The following XRRA1 variants were observed in gnomAD, a reference collection of about 807,000 sequenced individuals.
The protein encoded by XRRA1 is X-ray radiation resistance-associated protein 1.
Under a neutral mutation model 80.2 loss-of-function variants are expected in XRRA1, and 69 were observed. The observed-to-expected ratio is 0.86, with a 90% CI of 0.71 to 1.05. The LOEUF (loss-of-function observed/expected upper bound fraction) is 1.05, where lower values mean the gene tolerates loss of function less well. Ranked by LOEUF, XRRA1 falls within the 50% of genes least tolerant of loss-of-function variation. The pLI is 0.00. For missense variants in XRRA1, 967 were observed against 976.4 expected, an observed-to-expected ratio of 0.99 and a Z score of 0.13; for synonymous variants, 348 against 389.9, an observed-to-expected ratio of 0.89 and a Z score of 1.27.
intron 10 of XRRA1, among the ~76,000 whole-genome samples, chr11:74,899,033 T>A (rs1294540952): frequency 1.3e-5 from 2 of 152,136 alleles, no homozygotes; most frequent in East Asian, 3.8e-4. Flanking sequence ...AAAACATTTT[T>A]AAAAAATCTT....
intron 10 of XRRA1, among the ~76,000 whole-genome samples, chr11:74,869,943 C>A (rs755480800): frequency 5.3e-5 from 8 of 152,150 alleles, no homozygotes; most frequent in Admixed American, 2.0e-4. Context: ...AGCCATGAGA[C>A]AACAAACCTC....
At chr11:74,886,978 TTCAA>T in intron 10 of XRRA1, among the ~76,000 whole-genome samples, 1 of 152,232 alleles carries the variant, frequency 6.6e-6, no homozygotes, top group East Asian at 1.9e-4. Context: ...AGATTCCCTA[TTCAA>T]TCAATGATGC....
chr11:74,947,046 T>C (rs1947720706), intron 1 of XRRA1, among the ~76,000 whole-genome samples: 1 of 152,078 alleles, frequency 6.6e-6, no homozygotes, highest in African/African-American at 2.4e-5. Flanking sequence ...CCTGTACTTA[T>C]CTCTTTATCC....
intron 10 of XRRA1, among the ~76,000 whole-genome samples, chr11:74,891,010 T>C (rs2050530677): frequency 6.6e-6 from 1 of 152,104 alleles, no homozygotes; most frequent in Non-Finnish European, 1.5e-5. Flanking sequence ...CTGAAACTAT[T>C]CCAATCAATA....
intron 18 of XRRA1, 97 bp from the exon 19 acceptor site, chr11:74,843,550 A>G (rs2037005355): frequency 4.0e-6 from 6 of 1,481,638 alleles, no homozygotes; most frequent in Non-Finnish European, 5.4e-6. Flanking sequence ...GGAAAATGGG[A>G]TGGTGTGGCA....
intron 12 of XRRA1, among the ~76,000 whole-genome samples, chr11:74,858,451 T>G (rs1284190152): frequency 6.6e-6 from 1 of 152,168 alleles, no homozygotes; most frequent in Admixed American, 6.5e-5. Context: ...AAGAAAACAC[T>G]TGGGGAGTTT....
chr11:74,934,464 C>A (rs1944447116), intron 4 of XRRA1, among the ~76,000 whole-genome samples: 1 of 152,114 alleles, frequency 6.6e-6, no homozygotes, highest in South Asian at 2.1e-4. Flanking sequence ...CTTACAGTGT[C>A]ATGGGAAGCC....
intron 10 of XRRA1, among the ~76,000 whole-genome samples, chr11:74,890,618 G>C (rs1420987857): frequency 6.6e-6 from 1 of 152,036 alleles, no homozygotes; most frequent in South Asian, 2.1e-4. Context: ...CCAGGAGCTG[G>C]TGTTTTGAAA....
chr11:74,880,082 A>G (rs920478118), intron 10 of XRRA1, among the ~76,000 whole-genome samples: 45 of 151,966 alleles, frequency 3.0e-4, no homozygotes, highest in African/African-American at 1.1e-3. Context: ...TCGGCTGTGA[A>G]TCCATCTGGT....
chr11:74,888,656 G>C (rs1029313074), intron 10 of XRRA1, among the ~76,000 whole-genome samples: 2 of 152,186 alleles, frequency 1.3e-5, no homozygotes, highest in Non-Finnish European at 2.9e-5. Context: ...TGGCAAAGAA[G>C]TTAAAAACCT....
At chr11:74,923,440 CTGAGA>C (rs1941424826) in intron 7 of XRRA1, among the ~76,000 whole-genome samples, 1 of 152,138 alleles carries the variant, frequency 6.6e-6, no homozygotes. Flanking sequence ...GGAAAGGTGC[CTGAGA>C]TAAGCACAGG....
At chr11:74,903,641 T>TG (rs2053998878) in intron 10 of XRRA1, among the ~76,000 whole-genome samples, 1 of 152,144 alleles carries the variant, frequency 6.6e-6, no homozygotes, top group Non-Finnish European at 1.5e-5. Flanking sequence ...AGGCAGAGCT[T>TG]GCAGTGAGCG....
chr11:74,872,075 CCT>C (rs1382412314), intron 10 of XRRA1, among the ~76,000 whole-genome samples: 1 of 152,156 alleles, frequency 6.6e-6, no homozygotes, highest in East Asian at 1.9e-4. Context: ...TCTTGACAAC[CCT>C]GATTTGGAAC....
In XRRA1 at chr11:74,842,732, G is replaced by C. The variant is rs146048972; in HGVS notation, c.*468C>G. The C allele has an allele frequency of 4.4e-5, 7 of 160,040 alleles. No individual in the cohort carries two copies. In the East Asian group the frequency reaches 1.3e-3, roughly 29 times the overall value. 9.9% of individuals were successfully genotyped at this position (160,040 alleles called of 1,614,324 possible). A position where few individuals can be genotyped will look rare whatever the true frequency, so the allele number is the denominator to read the frequency against. On this transcript the variant is annotated 3_prime_UTR_variant, in exon 19 of 19. Coordinates refer to ENST00000684022, the MANE Select transcript of XRRA1 (RefSeq NM_001378157.1). ...GTCTGAGTAAAGAACGAATATACAG[G>C]ATGACACTGTCCCTGCACATTAGGG...
Position 74,949,078 on chromosome 11 carries a change from C to T in XRRA1, c.-223G>A. On this transcript the variant is annotated 5_prime_UTR_variant, in exon 1 of 19. Coordinates refer to ENST00000684022, the MANE Select transcript of XRRA1 (RefSeq NM_001378157.1). ...TCCCCACGCCTTAGTAACTGCGACG[C>T]GACGGCAGACAGTGTAGGCGGCAAC... 2.1e-6 allele frequency: 1 copy of T among 479,270 alleles called. No homozygotes were observed. The highest frequency in any genetic ancestry group is 3.7e-6 in the Non-Finnish European group (1 of 269,240). 29.7% of individuals were successfully genotyped at this position (479,270 alleles called of 1,614,324 possible).
chr11:74,940,921 G>A, intron 2 of XRRA1, 39 bp from the exon 3 acceptor site: 5 of 1,501,926 alleles, frequency 3.3e-6, no homozygotes, highest in Non-Finnish European at 4.6e-6. Context: ...GCAGAAGAGT[G>A]AAAAGGCACA....
chr11:74,893,770 A>G (rs1228802598), intron 10 of XRRA1, among the ~76,000 whole-genome samples: 1 of 152,238 alleles, frequency 6.6e-6, no homozygotes, highest in African/African-American at 2.4e-5. Flanking sequence ...GTTGTGGAGT[A>G]AAGGGAAGGC....
At position 74,935,214 on chromosome 11, in the gene XRRA1, A is replaced by G. The variant is rs181377556; in HGVS notation, c.280-1342T>C. 3.7e-3 allele frequency among the ~76,000 whole-genome samples: 559 copies of G among 152,238 alleles called. 1 individual carries two copies. Among genetic ancestry groups the G allele is most frequent in the Non-Finnish European group, 6.6e-3 (451 of 68,024 alleles). On this transcript the variant is annotated intron_variant, in intron 4 of 18. Coordinates refer to ENST00000684022, the MANE Select transcript of XRRA1 (RefSeq NM_001378157.1). Reference sequence around the variant, plus strand: ...ATTAGTCAGTAACAATCCCTTCTCTACCTCAGGATGTTATATTCTGTATGT... The same window carrying G: ...ATTAGTCAGTAACAATCCCTTCTCTGCCTCAGGATGTTATATTCTGTATGT...
chr11:74,890,592 A>C (rs1338702291), intron 10 of XRRA1, among the ~76,000 whole-genome samples: 3 of 152,166 alleles, frequency 2.0e-5, no homozygotes, highest in African/African-American at 7.2e-5. Flanking sequence ...AAAACCCTTC[A>C]AAAAAATCAA....
Sources: allele counts gnomAD v4.1 joint callset (sites outside exome capture counted in the v4.1 genomes callset), GRCh38; gene constraint gnomAD v4.1.1; transcripts MANE v1.5; gene names NCBI Gene and HGNC (gene_info 2026-07-23, HGNC 2026-07-21).